CACNA2D3: variants seen among roughly 807,000 people sequenced by gnomAD.
CACNA2D3 encodes voltage-dependent calcium channel subunit alpha-2/delta-3.
In CACNA2D3, 60 loss-of-function variants were observed where a neutral mutation model predicts 160.6. The observed-to-expected ratio is 0.37, with a 90% CI of 0.30 to 0.46. The LOEUF is 0.46. CACNA2D3 is among the 20% of genes least tolerant of loss of function. CACNA2D3 has a pLI of 1.00. For missense variants in CACNA2D3, 1,205 were observed against 1,365.0 expected (o/e 0.88, Z 1.85); for synonymous variants, 558 against 492.9 (o/e 1.13, Z -1.75).
intron 13 of CACNA2D3, among the ~76,000 whole-genome samples, chr3:54,808,954 A>G (rs569894115): frequency 6.6e-6 from 1 of 152,194 alleles, no homozygotes; most frequent in Non-Finnish European, 1.5e-5. Flanking sequence ...TGAAAACAGC[A>G]AACTGTTATG....
intron 12 of CACNA2D3, among the ~76,000 whole-genome samples, chr3:54,760,829 A>G (rs1702067835): frequency 6.6e-6 from 1 of 152,108 alleles, no homozygotes; most frequent in Non-Finnish European, 1.5e-5. Context: ...GAGAATGACC[A>G]ACTGGGAGAG....
chr3:54,769,282 G>C (rs1702276162), intron 13 of CACNA2D3, among the ~76,000 whole-genome samples: 1 of 152,058 alleles, frequency 6.6e-6, no homozygotes, highest in Non-Finnish European at 1.5e-5. Flanking sequence ...TTTCAAGCCA[G>C]CATTACCCTA....
chr3:54,491,354 T>C (rs1175904648), intron 4 of CACNA2D3, among the ~76,000 whole-genome samples: 2 of 152,202 alleles, frequency 1.3e-5, no homozygotes, highest in Non-Finnish European at 2.9e-5. Context: ...AACAAGCCCT[T>C]TGCGGTGGCA....
intron 17 of CACNA2D3, among the ~76,000 whole-genome samples, chr3:54,860,726 T>A (rs1366199200): frequency 3.9e-5 from 6 of 152,136 alleles, no homozygotes; most frequent in Non-Finnish European, 8.8e-5. Context: ...AGCTCCAGAC[T>A]GGGAGGCTCA....
intron 4 of CACNA2D3, among the ~76,000 whole-genome samples, chr3:54,482,202 G>A (rs1202536900): frequency 1.3e-5 from 2 of 152,218 alleles, no homozygotes; most frequent in African/African-American, 2.4e-5. Flanking sequence ...CAGAGGAGGG[G>A]CAGTGAGAAG....
intron 2 of CACNA2D3, among the ~76,000 whole-genome samples, chr3:54,230,532 GTAAA>G (rs1443403218): frequency 6.6e-6 from 1 of 152,204 alleles, no homozygotes; most frequent in Admixed American, 6.5e-5. Flanking sequence ...ATCTCAGCAT[GTAAA>G]TAGTTTCTGA....
At chr3:54,874,055 AT>A (rs1221947438) in intron 18 of CACNA2D3, among the ~76,000 whole-genome samples, 2 of 152,298 alleles carry the variant, frequency 1.3e-5, no homozygotes, top group East Asian at 3.9e-4. Context: ...GATGCAGAGA[AT>A]TTCTTGGAAG....
intron 11 of CACNA2D3, among the ~76,000 whole-genome samples, chr3:54,667,309 C>T (rs1365560079): frequency 6.6e-6 from 1 of 152,024 alleles, no homozygotes; most frequent in South Asian, 2.1e-4. Flanking sequence ...AATTGGTTTT[C>T]AAGACTAACT....
At chr3:54,555,887 T>G (rs900265248) in intron 5 of CACNA2D3, among the ~76,000 whole-genome samples, 2 of 152,202 alleles carry the variant, frequency 1.3e-5, no homozygotes, top group Non-Finnish European at 2.9e-5. Flanking sequence ...GTGATTTTAA[T>G]CCAACTTAGT....
chr3:54,596,348 G>A (rs926160733), intron 9 of CACNA2D3, among the ~76,000 whole-genome samples: 3 of 152,164 alleles, frequency 2.0e-5, no homozygotes, highest in Admixed American at 6.5e-5. Context: ...ACATGAAGCA[G>A]ATAGGCCTGT....
chr3:54,467,058 C>T (rs149563101), intron 4 of CACNA2D3, among the ~76,000 whole-genome samples: 5 of 152,208 alleles, frequency 3.3e-5, no homozygotes, highest in African/African-American at 9.6e-5. Flanking sequence ...TTTGGTATGT[C>T]GTCTTTGAGT....
At chr3:54,451,040 A>T (rs946489776) in intron 4 of CACNA2D3, among the ~76,000 whole-genome samples, 3 of 152,058 alleles carry the variant, frequency 2.0e-5, no homozygotes, top group African/African-American at 7.2e-5. Context: ...ACCCAGCAGA[A>T]CAAACTCTAC....
intron 33 of CACNA2D3, among the ~76,000 whole-genome samples, chr3:55,008,886 T>TAC (rs1491125549): frequency 5.6e-5 from 3 of 53,352 alleles, no homozygotes; most frequent in East Asian, 3.9e-4. Flanking sequence ...CACCTCCCTC[T>TAC]ATACACACAC....
intron 2 of CACNA2D3, among the ~76,000 whole-genome samples, chr3:54,276,051 T>G (rs773686906): frequency 7.9e-5 from 12 of 152,172 alleles, no homozygotes; most frequent in Non-Finnish European, 1.5e-4. Flanking sequence ...TTATTAAAAA[T>G]CAGGGTTGGA....
At chr3:54,319,437 C>G (rs977520798) in intron 2 of CACNA2D3, among the ~76,000 whole-genome samples, 7 of 152,138 alleles carry the variant, frequency 4.6e-5, no homozygotes, top group Non-Finnish European at 7.4e-5. Flanking sequence ...TAAACTGATT[C>G]AGAGTTTCCC....
intron 9 of CACNA2D3, among the ~76,000 whole-genome samples, chr3:54,584,042 A>G (rs1296100977): frequency 6.6e-6 from 1 of 152,184 alleles, no homozygotes; most frequent in East Asian, 1.9e-4. Context: ...GTGGGGCCAA[A>G]TAAGAAGTTG....
At chr3:54,600,372 G>GA (rs1476429189) in intron 9 of CACNA2D3, among the ~76,000 whole-genome samples, 1 of 152,170 alleles carries the variant, frequency 6.6e-6, no homozygotes, top group Non-Finnish European at 1.5e-5. Context: ...CTTAGAGGGA[G>GA]AAGATGATCC....
chr3:54,284,467 G>T (rs1702959694), intron 2 of CACNA2D3, among the ~76,000 whole-genome samples: 1 of 151,976 alleles, frequency 6.6e-6, no homozygotes, highest in African/African-American at 2.4e-5. Flanking sequence ...TTTAGGAGAA[G>T]TTGGGTGAAG....
intron 4 of CACNA2D3, among the ~76,000 whole-genome samples, chr3:54,421,113 T>G (rs957642176): frequency 6.6e-6 from 1 of 152,212 alleles, no homozygotes; most frequent in Non-Finnish European, 1.5e-5. Context: ...TGCTCTGAGA[T>G]GAAGCAAGAG....
Sources: allele counts gnomAD v4.1 joint callset (sites outside exome capture counted in the v4.1 genomes callset), GRCh38; gene constraint gnomAD v4.1.1; transcripts MANE v1.5; gene names NCBI Gene and HGNC (gene_info 2026-07-23, HGNC 2026-07-21).